Variants in WDR37 observed in about 807,000 individuals in gnomAD.
WDR37 encodes WD repeat domain 37, also known as WD repeat-containing protein 37.
Under a neutral mutation model 62.9 loss-of-function variants are expected in WDR37, and 19 were observed. The observed-to-expected ratio is 0.30, with a 90% CI of 0.21 to 0.44. The LOEUF (loss-of-function observed/expected upper bound fraction) is 0.44. Ranked by LOEUF, WDR37 falls within the 20% of genes least tolerant of loss-of-function variation. WDR37 has a pLI of 1.00. For missense variants in WDR37, 474 were observed against 657.6 expected, an observed-to-expected ratio of 0.72 and a Z score of 3.05; for synonymous variants, 250 against 260.9, an observed-to-expected ratio of 0.96 and a Z score of 0.40.
At chr10:1,091,326 G>T (rs10903362) in intron 7 of WDR37, among the ~76,000 whole-genome samples, 59,875 of 152,046 alleles carry the variant, frequency 0.39, 12,151 homozygotes, top group African/African-American at 0.47. Context: ...TTGTTAGTGG[G>T]TCTAGTGATC....
At position 1,109,455 on chromosome 10, in the gene WDR37, G is replaced by A. The variant is rs1178589304; in HGVS notation, c.1103+4188G>A. On this transcript the variant is annotated intron_variant, in intron 11 of 13. Transcript: ENST00000263150. ...TAAAATATCTGCTTAGGCTGGGCGC[G>A]GTGGCTCACGCCTGTAATCCCAGCA... Among the ~76,000 whole-genome samples the A allele has an allele frequency of 3.3e-5, 5 of 152,364 alleles. No homozygotes were observed. The East Asian group carries it at 7.7e-4, about 23-fold the overall frequency.
At chr10:1,076,182 A>G (rs900674078) in intron 2 of WDR37, among the ~76,000 whole-genome samples, 1 of 151,962 alleles carries the variant, frequency 6.6e-6, no homozygotes, top group African/African-American at 2.4e-5. Flanking sequence ...TTTAGAGGCT[A>G]TAGTACCAAT....
At chr10:1,080,151 C>T (rs1833985600) in intron 4 of WDR37, 45 bp downstream of exon 4, 3 of 1,603,296 alleles carry the variant, frequency 1.9e-6, no homozygotes, top group Non-Finnish European at 2.6e-6. Flanking sequence ...ATTATACATG[C>T]AGGAAATTTG....
chr10:1,127,123 C>T (rs1259164236), intron 13 of WDR37, among the ~76,000 whole-genome samples: 3 of 152,188 alleles, frequency 2.0e-5, no homozygotes, highest in African/African-American at 2.4e-5. Context: ...GTAAAGTTTG[C>T]ATTTTGAAAC....
At chr10:1,097,097 C>G (rs1834610327) in intron 9 of WDR37, among the ~76,000 whole-genome samples, 1 of 152,134 alleles carries the variant, frequency 6.6e-6, no homozygotes, top group East Asian at 1.9e-4. Context: ...CCTGGCTGCT[C>G]TCCTCGCTTA....
At position 1,105,393 on chromosome 10, in the gene WDR37, C is replaced by G; in HGVS notation, c.1103+126C>G. 2 of 1,227,780 alleles carry G rather than the reference C, an allele frequency of 1.6e-6. No homozygotes were observed. The highest frequency in any genetic ancestry group is 1.1e-6 in the Non-Finnish European group (1 of 894,048). The allele number at this position is 1,227,780 out of a possible 1,614,324, so 76.1% of individuals were successfully genotyped here. A position where few individuals can be genotyped will look rare whatever the true frequency, so the allele number is the denominator to read the frequency against. On this transcript the variant is annotated intron_variant, in intron 11 of 13. Coordinates refer to ENST00000263150, the MANE Select transcript of WDR37 (RefSeq NM_014023.4). This position sits in a 1 kb window ranked among gnomAD's most constrained non-coding sequence, Gnocchi z 5.3. ...CTACTATCTTTCAAAAAAATAACTA[C>G]CTTTCAAATTCTGCTATTCTTTTTC...
At chr10:1,108,118 C>T (rs1023177531) in intron 11 of WDR37, among the ~76,000 whole-genome samples, 1 of 152,246 alleles carries the variant, frequency 6.6e-6, no homozygotes, top group South Asian at 2.1e-4. Flanking sequence ...TCTCCTAATA[C>T]AGTACCATTG....
intron 11 of WDR37, 144 bp from the exon 12 acceptor site, chr10:1,124,074 G>A: frequency 9.6e-7 from 1 of 1,039,318 alleles, no homozygotes; most frequent in Non-Finnish European, 1.4e-6. Flanking sequence ...GGCTTTGGGA[G>A]GCGGGAGCAG....
intron 11 of WDR37, among the ~76,000 whole-genome samples, chr10:1,120,248 A>T (rs946737197): frequency 6.6e-6 from 1 of 152,146 alleles, no homozygotes. Context: ...TGAAGAGAAG[A>T]CCTGTTTAAT....
rs34868369 is a variant in WDR37 at position 1,117,116 on chromosome 10, A to G, written c.1104-7102A>G. Reference sequence around the variant, plus strand: ...CTCGCCTAGGCTGGACTGCAGTGGCATGATCACGGCTCACTGCAATCTCGA... The same window carrying G: ...CTCGCCTAGGCTGGACTGCAGTGGCGTGATCACGGCTCACTGCAATCTCGA... On this transcript the variant is annotated intron_variant, in intron 11 of 13. Coordinates refer to ENST00000263150, the MANE Select transcript of WDR37 (RefSeq NM_014023.4). Among the ~76,000 whole-genome samples the G allele has an allele frequency of 3.8e-3, 579 of 152,262 alleles. 2 individuals are homozygous for G. Among genetic ancestry groups the G allele is most frequent in the Non-Finnish European group, 5.4e-3 (365 of 68,026 alleles).
intron 7 of WDR37, among the ~76,000 whole-genome samples, chr10:1,091,383 G>A (rs934131718): frequency 6.6e-6 from 1 of 152,158 alleles, no homozygotes; most frequent in African/African-American, 2.4e-5. Context: ...GCTTATAAGT[G>A]TACACGGTTT....
intron 1 of WDR37, among the ~76,000 whole-genome samples, chr10:1,065,586 G>GT (rs568355385): frequency 1.1e-3 from 173 of 150,830 alleles, no homozygotes; most frequent in African/African-American, 3.8e-3. Context: ...CTGTCAGTAG[G>GT]TAAAAAAAAA....
At chr10:1,057,414 C>A (rs1833226349) in intron 1 of WDR37, among the ~76,000 whole-genome samples, 1 of 151,968 alleles carries the variant, frequency 6.6e-6, no homozygotes, top group African/African-American at 2.4e-5. Flanking sequence ...TCCAGGGAAG[C>A]ACTTGGGAGG....
Position 1,080,418 on chromosome 10 carries a change from A to T in WDR37, c.338A>T (p.His113Leu). The T allele has an allele frequency of 6.2e-7, 1 of 1,614,126 alleles. No individual in the cohort carries two copies. The highest frequency in any genetic ancestry group is 1.3e-5 in the African/African-American group (1 of 75,020). ...TCACTCTCTGTCCCTGCAGCCAGTC[A>T]CAGCACCAGCCAGCTCTCCCAGAAA... ...SKGQLKTKAS[H>L]STSQLSQKLK... The change falls in exon 5 of 14, where the codon CAC becomes CTC. Residue 113 changes from histidine (H) to leucine (L), a missense_variant. Coordinates refer to ENST00000263150, the MANE Select transcript of WDR37 (RefSeq NM_014023.4).
At position 1,130,698 on chromosome 10, in the gene WDR37, C is replaced by T. The variant is rs1835931681; in HGVS notation, c.*1354C>T. The T allele has an allele frequency of 6.6e-6, 1 of 152,334 alleles. No individual in the cohort carries two copies. Among genetic ancestry groups the T allele is most frequent in the African/African-American group, 2.4e-5 (1 of 41,458 alleles). The allele number at this position is 152,334 out of a possible 1,614,324, so 9.4% of individuals were successfully genotyped here. The stretch of plus-strand genomic sequence containing the variant: ...GGTAATATTTACAGCTGTCATGTGA[C>T]ATCCCCAGGTCTTTGTGTTTTGCCC... On this transcript the variant is annotated 3_prime_UTR_variant, in exon 14 of 14. Coordinates refer to ENST00000263150, the MANE Select transcript of WDR37 (RefSeq NM_014023.4).
At chr10:1,062,278 G>A (rs543857271) in intron 1 of WDR37, among the ~76,000 whole-genome samples, 32 of 152,330 alleles carry the variant, frequency 2.1e-4, no homozygotes, top group Admixed American at 1.4e-3. Context: ...AAGAAAGCAA[G>A]CTAAACCAAA....
At chr10:1,101,057 T>C (rs1212141932) in intron 9 of WDR37, among the ~76,000 whole-genome samples, 1 of 152,188 alleles carries the variant, frequency 6.6e-6, no homozygotes, top group Non-Finnish European at 1.5e-5. Context: ...TATTGTTCTC[T>C]TACTGCCTGT....
chr10:1,102,777 A>T (rs1340297313), intron 9 of WDR37, among the ~76,000 whole-genome samples: 1 of 152,210 alleles, frequency 6.6e-6, no homozygotes, highest in Non-Finnish European at 1.5e-5. Context: ...TATCAGTTCC[A>T]GTACTAGTAC....
intron 11 of WDR37, among the ~76,000 whole-genome samples, chr10:1,107,518 G>C (rs952598436): frequency 2.0e-5 from 3 of 152,270 alleles, no homozygotes; most frequent in Admixed American, 2.0e-4. Context: ...AGGTTCGCCT[G>C]TTGTATTGCA....
Sources: gnomAD v4.1 joint callset for allele counts (sites outside exome capture counted in the v4.1 genomes callset) on GRCh38, gnomAD v4.1.1 for gene constraint, Gnocchi (gnomAD v3.1) non-coding constraint, MANE v1.5 for transcripts, NCBI Gene and HGNC (gene_info 2026-07-23, HGNC 2026-07-21) for gene names.